PLCXD1: variants seen among roughly 807,000 people sequenced by gnomAD.
PLCXD1 encodes the protein phosphatidylinositol specific phospholipase C X domain containing 1.
Under a neutral mutation model 37.8 loss-of-function variants are expected in PLCXD1, and 45 were observed. That is an observed-to-expected ratio of 1.19 (90% CI 0.94 to 1.53). The LOEUF is 1.53. Ranked by LOEUF, PLCXD1 falls within the 40% of genes most tolerant of loss-of-function variation. The probability of loss-of-function intolerance (pLI) is 0.00; values close to 1 mark genes in which losing one functional copy is unlikely to be tolerated. For synonymous variants in PLCXD1, 246 were observed against 206.9 expected (o/e 1.19, Z -1.62); for missense variants, 539 against 454.7 (o/e 1.19, Z -1.69).
chrX:295,643 G>C (rs1438419564), intron 6 of PLCXD1, among the ~76,000 whole-genome samples: 1 of 151,462 alleles, frequency 6.6e-6, no homozygotes, highest in Non-Finnish European at 1.5e-5. Flanking sequence ...TCCTGCCTCA[G>C]CCTCCTGAGT....
chrX:299,065 C>T (rs369645497), intron 6 of PLCXD1, 32 bp from the exon 7 acceptor site: 81 of 1,518,340 alleles, frequency 5.3e-5, no homozygotes, highest in Non-Finnish European at 5.9e-5. Flanking sequence ...GGCCCGTGAC[C>T]GTGTAACCTC....
At chrX:288,580 G>C (rs1602865331) in intron 2 of PLCXD1, among the ~76,000 whole-genome samples, 153 bp from the exon 3 acceptor site, 1 of 152,254 alleles carries the variant, frequency 6.6e-6, no homozygotes, top group South Asian at 2.1e-4. Flanking sequence ...GTGGACGTGA[G>C]TTTTGGGGGT....
intron 5 of PLCXD1, among the ~76,000 whole-genome samples, chrX:291,960 G>A (rs768146538): frequency 1.3e-5 from 2 of 150,346 alleles, no homozygotes; most frequent in African/African-American, 2.4e-5. Context: ...GAGGTCAAGA[G>A]ATCGAGACTA....
chrX:290,161 C>G (rs1415527309), intron 3 of PLCXD1, among the ~76,000 whole-genome samples: 2 of 151,924 alleles, frequency 1.3e-5, no homozygotes, highest in Non-Finnish European at 2.9e-5. Flanking sequence ...GGCGCGGTGG[C>G]TCACGCCTGT....
intron 2 of PLCXD1, among the ~76,000 whole-genome samples, chrX:285,469 C>T (rs2069422240): frequency 6.6e-6 from 1 of 152,158 alleles, no homozygotes; most frequent in African/African-American, 2.4e-5. Flanking sequence ...CACACATAAA[C>T]ATTTGCACCT....
At chrX:292,881 G>A (rs1417324395) in intron 5 of PLCXD1, among the ~76,000 whole-genome samples, 154 bp from the exon 6 acceptor site, 2 of 152,116 alleles carry the variant, frequency 1.3e-5, no homozygotes, top group African/African-American at 4.8e-5. Flanking sequence ...CCAAAGTGCT[G>A]GGATTACAGG....
intron 5 of PLCXD1, 73 bp from the exon 6 acceptor site, chrX:292,962 C>G: frequency 9.2e-7 from 1 of 1,086,888 alleles, no homozygotes; most frequent in Non-Finnish European, 1.3e-6. Context: ...TCCCGACTTC[C>G]CAGCCCTCCG....
chrX:299,024 A>T, intron 6 of PLCXD1, 73 bp from the exon 7 acceptor site: 1 of 1,117,854 alleles, frequency 8.9e-7, no homozygotes, highest in South Asian at 1.2e-5. Flanking sequence ...ACCTCTAATA[A>T]TGTGACTAGG....
intron 6 of PLCXD1, among the ~76,000 whole-genome samples, chrX:298,834 T>C (rs1262219234): frequency 2.8e-5 from 4 of 144,334 alleles, no homozygotes; most frequent in Admixed American, 1.4e-4. Context: ...GGGCCATTAT[T>C]CTGTCTATCA....
chrX:288,336 G>GC (rs948519767), intron 2 of PLCXD1, among the ~76,000 whole-genome samples: 1 of 150,424 alleles, frequency 6.6e-6, no homozygotes, highest in Non-Finnish European at 1.5e-5. Flanking sequence ...GATCCTTCCT[G>GC]CCTCTCCCAG....
chrX:290,760 C>T lies in PLCXD1; in HGVS notation c.377C>T (p.Thr126Ile), dbSNP rs1460931340. The T allele has an allele frequency of 6.8e-6, 11 of 1,610,152 alleles. No individual in the cohort carries two copies. The highest frequency in any genetic ancestry group is 8.5e-6 in the Non-Finnish European group (10 of 1,179,360). Residue 126 changes from threonine to isoleucine, a missense_variant, in exon 4 of 7, where the codon ACA becomes ATA. Physicochemically the swap from Thr to Ile is moderately conservative, Grantham distance 89. Coordinates refer to ENST00000381657, the MANE Select transcript of PLCXD1 (RefSeq NM_018390.4). ...CTGCACTTTGTCCATATGGTGTACA[C>T]AACGGCGCTGGTGGAGGTGCGGCCG... ...KNLHFVHMVY[T>I]TALVEDTLTE...
chrX:297,078 C>T (rs28612072), intron 6 of PLCXD1, among the ~76,000 whole-genome samples: 9 of 37,204 alleles, frequency 2.4e-4, no homozygotes, highest in Non-Finnish European at 3.2e-4. Flanking sequence ...ATTCTGTCTC[C>T]CACATGGGGA....
intron 6 of PLCXD1, among the ~76,000 whole-genome samples, chrX:297,847 A>C (rs866125908): frequency 0.23 from 2,016 of 8,834 alleles, 48 homozygotes; most frequent in Middle Eastern, 0.3. Context: ...ATCTTTGGGG[A>C]CATTATTCTG....
chrX:294,278 C>A (rs373074692), intron 6 of PLCXD1, among the ~76,000 whole-genome samples: 1 of 151,966 alleles, frequency 6.6e-6, no homozygotes, highest in Non-Finnish European at 1.5e-5. Context: ...GTCAGGAGAT[C>A]GAGACCATCC....
rs2124361960 is a variant in PLCXD1 at position 290,671 on chromosome X, G to A, written c.288G>A (p.Leu96=). The change falls in exon 4 of 7, where the codon CTG becomes CTA. Residue 96 remains leucine (L), a synonymous_variant. Coordinates refer to ENST00000381657, the MANE Select transcript of PLCXD1 (RefSeq NM_018390.4). Reference sequence around the variant, plus strand: ...AGGCACTGGACGTCACAGAGCAGCTGGATGCCGGGGTGCGGTACCTGGACC... The same window carrying A: ...AGGCACTGGACGTCACAGAGCAGCTAGATGCCGGGGTGCGGTACCTGGACC... ...VTQALDVTEQ[L]DAGVRYLDLR... is the part of the protein sequence containing the mutation. 6.2e-7 allele frequency: 1 copy of A among 1,613,828 alleles called. No homozygotes were observed. The highest frequency in any genetic ancestry group is 8.5e-7 in the Non-Finnish European group (1 of 1,179,790).
rs753572342 is a variant in PLCXD1, at chrX:284,243, CCAACG to C, written c.57_61del (p.Asn20GlyfsTer182). 1.2e-6 allele frequency: 2 copies of C among 1,613,348 alleles called. No homozygotes were observed. Among genetic ancestry groups the C allele is most frequent in the Non-Finnish European group, 1.7e-6 (2 of 1,179,518 alleles). On this transcript the variant is annotated frameshift_variant, in exon 2 of 7. Transcript: ENST00000381657. LOFTEE classifies it high-confidence loss of function. ...TTCTCGAGGCTGCACTGCAGAAATG[CCAACG>C]AGGACTGGATGTCGGCACTGTGTCC...
At chrX:292,123 A>C (rs1569564561) in intron 5 of PLCXD1, among the ~76,000 whole-genome samples, 1 of 151,024 alleles carries the variant, frequency 6.6e-6, no homozygotes, top group Non-Finnish European at 1.5e-5. Context: ...AACATGGTGA[A>C]ACCCCGTCTC....
intron 2 of PLCXD1, among the ~76,000 whole-genome samples, chrX:287,738 TTAAA>T (rs1334801681): frequency 2.8e-5 from 4 of 143,494 alleles, no homozygotes; most frequent in Non-Finnish European, 6.0e-5. Context: ...CATATATATC[TTAAA>T]TATATATATC....
Position 291,773 on chromosome X carries a change from G to A in PLCXD1, c.549+119G>A, listed in dbSNP as rs939322037. 43 of 1,116,542 alleles carry A rather than the reference G, an allele frequency of 3.9e-5. 1 individual carries two copies. The highest frequency in any genetic ancestry group is 2.4e-4 in the South Asian group (18 of 74,348). The allele number at this position is 1,116,542 out of a possible 1,614,324, so 69.2% of individuals were successfully genotyped here. Reference sequence around the variant, plus strand: ...CATGATTCCTGTAGCAGGTGAAGCCGTCGAACGGGGGCTGCCTGCTCTCCC... The same window carrying A: ...CATGATTCCTGTAGCAGGTGAAGCCATCGAACGGGGGCTGCCTGCTCTCCC... On this transcript the variant is annotated intron_variant, in intron 5 of 6. Coordinates refer to ENST00000381657, the MANE Select transcript of PLCXD1 (RefSeq NM_018390.4).
Sources: allele counts gnomAD v4.1 joint callset (sites outside exome capture counted in the v4.1 genomes callset), GRCh38; gene constraint gnomAD v4.1.1; transcripts MANE v1.5; gene names NCBI Gene and HGNC (gene_info 2026-07-23, HGNC 2026-07-21).